RPS6KA2: variants seen among roughly 807,000 people sequenced by gnomAD.
The protein encoded by RPS6KA2 is ribosomal protein S6 kinase alpha-2.
Under a neutral mutation model 91.8 loss-of-function variants are expected in RPS6KA2, and 42 were observed. The observed-to-expected ratio is 0.46, with a 90% CI of 0.36 to 0.59. RPS6KA2 has a LOEUF of 0.59. Ranked by LOEUF, RPS6KA2 falls within the 20% of genes least tolerant of loss-of-function variation. RPS6KA2 has a pLI of 0.00. For missense variants in RPS6KA2, 798 were observed against 978.5 expected (o/e 0.82, Z 2.46); for synonymous variants, 414 against 393.6 (o/e 1.05, Z -0.61).
chr6:166,850,688 C>T (rs982291117), intron 2 of RPS6KA2, among the ~76,000 whole-genome samples: 1 of 152,192 alleles, frequency 6.6e-6, no homozygotes. Context: ...CAGGAAAGCT[C>T]TGCTCGGGAT....
chr6:166,606,869 G>A (rs925900947), intron 1 of RPS6KA2, among the ~76,000 whole-genome samples: 2 of 152,194 alleles, frequency 1.3e-5, no homozygotes, highest in Non-Finnish European at 2.9e-5. Flanking sequence ...GGCTGGGCAT[G>A]GTGGCTCACG....
At chr6:166,759,022 T>C (rs1202769775) in intron 2 of RPS6KA2, among the ~76,000 whole-genome samples, 1 of 152,236 alleles carries the variant, frequency 6.6e-6, no homozygotes, top group Non-Finnish European at 1.5e-5. Context: ...TTCCCTTGAA[T>C]GCAGAGCTGA....
chr6:166,586,519 G>C (rs1583303123), intron 1 of RPS6KA2: 1 of 1,557,774 alleles, frequency 6.4e-7, no homozygotes, highest in Non-Finnish European at 8.7e-7. Context: ...ATTGCTTAAT[G>C]TTTAGGTTGT....
chr6:166,448,963 G>T lies in RPS6KA2; in HGVS notation c.1207-114C>A, dbSNP rs1452478370. The T allele has an allele frequency of 3.0e-6, 4 of 1,328,668 alleles. No individual in the cohort carries two copies. Among genetic ancestry groups the T allele is most frequent in the Non-Finnish European group, 4.2e-6 (4 of 955,706 alleles). 82.3% of individuals were successfully genotyped at this position (1,328,668 alleles called of 1,614,324 possible). On this transcript the variant is annotated intron_variant, in intron 13 of 20. Transcript: ENST00000265678. The surrounding 1 kb of genome is among the most constrained non-coding windows in gnomAD (Gnocchi z 4.7). ...GAGGCACCGACTGTGAACTGAGTGT[G>T]TGGAGGCCTGGGAGCTCATGGGTCC...
At chr6:166,491,901 C>A (rs1307915543) in intron 8 of RPS6KA2, among the ~76,000 whole-genome samples, 2 of 152,020 alleles carry the variant, frequency 1.3e-5, no homozygotes, top group African/African-American at 4.8e-5. Context: ...ATAAAACTTT[C>A]AATGGTTATG....
chr6:166,451,608 G>A (rs1256931184), intron 12 of RPS6KA2, among the ~76,000 whole-genome samples: 2 of 152,180 alleles, frequency 1.3e-5, no homozygotes, highest in Non-Finnish European at 2.9e-5. Flanking sequence ...AGGCACCAAT[G>A]ACCTCAGGAT....
intron 1 of RPS6KA2, among the ~76,000 whole-genome samples, chr6:166,584,656 T>A (rs1258325480): frequency 6.6e-6 from 1 of 152,248 alleles, no homozygotes; most frequent in African/African-American, 2.4e-5. Flanking sequence ...GTCATTTCTA[T>A]CTGTGATTGT....
At chr6:166,751,344 A>G (rs1026282968) in intron 2 of RPS6KA2, among the ~76,000 whole-genome samples, 2 of 152,260 alleles carry the variant, frequency 1.3e-5, no homozygotes, top group African/African-American at 4.8e-5. Flanking sequence ...GGCAGCTGCC[A>G]GGGTCCCGTC....
intron 1 of RPS6KA2, among the ~76,000 whole-genome samples, chr6:166,608,540 T>C (rs1786038491): frequency 6.6e-6 from 1 of 152,154 alleles, no homozygotes; most frequent in South Asian, 2.1e-4. Flanking sequence ...GGAGACAAAA[T>C]CAGAAGTAAG....
intron 2 of RPS6KA2, among the ~76,000 whole-genome samples, chr6:166,809,167 A>G (rs1779569313): frequency 6.6e-6 from 1 of 152,170 alleles, no homozygotes; most frequent in South Asian, 2.1e-4. Context: ...CATGAAGAAG[A>G]TGAGGGCACA....
chr6:166,734,707 A>C (rs1458602665), intron 2 of RPS6KA2, among the ~76,000 whole-genome samples: 1 of 152,194 alleles, frequency 6.6e-6, no homozygotes, highest in African/African-American at 2.4e-5. Context: ...ATTCAACATG[A>C]GAGGGAGCGT....
chr6:166,478,414 C>T (rs893048687), intron 10 of RPS6KA2, among the ~76,000 whole-genome samples: 5 of 152,114 alleles, frequency 3.3e-5, no homozygotes, highest in Non-Finnish European at 4.4e-5. Flanking sequence ...GATCAGACCC[C>T]GGGCAAGGCG....
At chr6:166,701,486 C>T in intron 2 of RPS6KA2, 3 of 1,189,022 alleles carry the variant, frequency 2.5e-6, no homozygotes, top group Non-Finnish European at 3.8e-6. Context: ...CTCACCTTAG[C>T]ATCTGGTGCT....
chr6:166,576,035 C>T (rs1415544008), intron 1 of RPS6KA2, among the ~76,000 whole-genome samples: 5 of 152,278 alleles, frequency 3.3e-5, no homozygotes, highest in Non-Finnish European at 5.9e-5. Flanking sequence ...TTGCTATTCT[C>T]GTGATAGTGA....
chr6:166,570,389 C>T (rs1438510244), intron 1 of RPS6KA2, among the ~76,000 whole-genome samples: 1 of 152,230 alleles, frequency 6.6e-6, no homozygotes, highest in East Asian at 1.9e-4. Context: ...TGCACCCACT[C>T]CCCACAGTCA....
At chr6:166,631,167 G>C (rs539952872), upstream of RPS6KA2, among the ~76,000 whole-genome samples, 16 of 152,308 alleles carry the variant, frequency 1.1e-4, no homozygotes, top group Non-Finnish European at 2.4e-4. Flanking sequence ...AATTTAAAAA[G>C]AAAGTCTTAA....
intron 2 of RPS6KA2, chr6:166,771,012 G>T: frequency 1.1e-6 from 1 of 947,410 alleles, no homozygotes; most frequent in Non-Finnish European, 1.6e-6. Flanking sequence ...TACTCACCAG[G>T]CCTGTGAGCT....
At chr6:166,735,813 T>A (rs1300404766) in intron 2 of RPS6KA2, among the ~76,000 whole-genome samples, 2 of 152,216 alleles carry the variant, frequency 1.3e-5, no homozygotes, top group African/African-American at 4.8e-5. Flanking sequence ...CCTCCTGCTG[T>A]GTGGCCTAGT....
intron 2 of RPS6KA2, among the ~76,000 whole-genome samples, chr6:166,687,735 C>T (rs999606030): frequency 3.9e-5 from 6 of 152,226 alleles, no homozygotes; most frequent in East Asian, 1.9e-4. Flanking sequence ...AAGTTGGGCA[C>T]GTTTAAATGA....
Sources: gnomAD v4.1 joint callset for allele counts (sites outside exome capture counted in the v4.1 genomes callset) on GRCh38, gnomAD v4.1.1 for gene constraint, Gnocchi (gnomAD v3.1) non-coding constraint, MANE v1.5 for transcripts, NCBI Gene and HGNC (gene_info 2026-07-23, HGNC 2026-07-21) for gene names.